Variants in SIK2 observed in about 807,000 individuals in gnomAD.
SIK2 encodes the protein salt inducible kinase 2.
SIK2 carries 29 observed loss-of-function variants against 103.2 expected under a neutral mutation model. The ratio of observed to expected loss-of-function variants is 0.28; its 90% CI spans 0.21 to 0.38. The LOEUF (loss-of-function observed/expected upper bound fraction) is 0.38. Among genes scored for constraint, SIK2 ranks in the 10% least tolerant of loss-of-function variants. The probability of loss-of-function intolerance (pLI) is 1.00; values close to 1 mark genes in which losing one functional copy is unlikely to be tolerated. For missense variants in SIK2, 879 were observed against 1,171.0 expected (o/e 0.75, Z 3.64); for synonymous variants, 412 against 446.1 (o/e 0.92, Z 0.96).
chr11:111,691,944 T>A (rs1942950835), intron 4 of SIK2, among the ~76,000 whole-genome samples: 1 of 152,110 alleles, frequency 6.6e-6, no homozygotes, highest in Non-Finnish European at 1.5e-5. Flanking sequence ...TTCAGGGACA[T>A]GAGGCTAGGA....
At position 111,730,752 on chromosome 11, in the gene SIK2, T is replaced by C. The variant is rs1173229737; in HGVS notation, c.*6623T>C. ...AATGCAGTGTAATAAATAATCTCTG[T>C]ACCAAATAGTAATTTAAATGGGGTA... On this transcript the variant is annotated 3_prime_UTR_variant, in exon 15 of 15. Coordinates refer to ENST00000304987, the MANE Select transcript of SIK2 (RefSeq NM_015191.3). 6.6e-6 allele frequency: 1 copy of C among 152,236 alleles called. No individual in the cohort carries two copies. Among genetic ancestry groups the C allele is most frequent in the Non-Finnish European group, 1.5e-5 (1 of 68,046 alleles). The allele number at this position is 152,236 out of a possible 1,614,324, so 9.4% of individuals were successfully genotyped here. A position where few individuals can be genotyped will look rare whatever the true frequency, so the allele number is the denominator to read the frequency against.
At chr11:111,634,037 G>A (rs576967306) in intron 3 of SIK2, among the ~76,000 whole-genome samples, 8 of 152,146 alleles carry the variant, frequency 5.3e-5, no homozygotes, top group Admixed American at 1.3e-4. Flanking sequence ...TGATCACCTC[G>A]TCAGACAATT....
intron 3 of SIK2, among the ~76,000 whole-genome samples, chr11:111,679,960 T>C (rs756841449): frequency 9.2e-5 from 14 of 151,914 alleles, no homozygotes; most frequent in Non-Finnish European, 1.9e-4. Flanking sequence ...CCATCTCTAC[T>C]AAAAATAAAA....
chr11:111,701,381 G>T lies in SIK2; in HGVS notation c.604-71G>T, dbSNP rs537670212. The T allele has an allele frequency of 8.6e-5, 133 of 1,552,310 alleles. 2 individuals carry two copies. In the South Asian group the frequency reaches 1.6e-3, roughly 18 times the overall value. ...AGTCCATATGATTTCAAGAGCCCTGGGGATGTTCAGGAAAACAAAGAGTGT... is the reference window on the plus strand; with the variant it reads ...AGTCCATATGATTTCAAGAGCCCTGTGGATGTTCAGGAAAACAAAGAGTGT... On this transcript the variant is annotated intron_variant, in intron 5 of 14. Transcript: ENST00000304987. The surrounding 1 kb of genome is among the most constrained non-coding windows in gnomAD (Gnocchi z 4.2).
At chr11:111,697,923 T>C (rs1943116593) in intron 4 of SIK2, among the ~76,000 whole-genome samples, 1 of 152,130 alleles carries the variant, frequency 6.6e-6, no homozygotes, top group Non-Finnish European at 1.5e-5. Context: ...GGCAAAAAGA[T>C]CACTTGAGCC....
chr11:111,691,713 T>C (rs894014668), intron 4 of SIK2, among the ~76,000 whole-genome samples: 1 of 152,208 alleles, frequency 6.6e-6, no homozygotes, highest in Non-Finnish European at 1.5e-5. Flanking sequence ...ACTCAAATTT[T>C]CTTGCCCACA....
intron 4 of SIK2, among the ~76,000 whole-genome samples, chr11:111,698,266 C>A (rs1278068244): frequency 6.6e-6 from 1 of 152,190 alleles, no homozygotes; most frequent in South Asian, 2.1e-4. Flanking sequence ...TACCACGGGT[C>A]CAGAGAAGTG....
At chr11:111,723,311 G>A (rs892476486) in intron 14 of SIK2, among the ~76,000 whole-genome samples, 185 bp from the exon 15 acceptor site, 2 of 152,186 alleles carry the variant, frequency 1.3e-5, no homozygotes. Context: ...CATCAGAACT[G>A]GGGGGCAAAA....
chr11:111,603,080 G>A (rs1449450713), intron 1 of SIK2, among the ~76,000 whole-genome samples: 1 of 151,734 alleles, frequency 6.6e-6, no homozygotes, highest in Admixed American at 6.5e-5. Flanking sequence ...GGTGGGGTGG[G>A]AGGGGAAGTC....
rs1236317571 is a variant in SIK2 at position 111,720,087 on chromosome 11, CAACACCTA to C, written c.1495+87_1495+94del. 13 of 1,341,004 alleles carry C rather than the reference CAACACCTA, an allele frequency of 9.7e-6. 1 individual carries two copies. The highest frequency in any genetic ancestry group is 1.4e-5 in the Non-Finnish European group (13 of 960,970). 83.1% of individuals were successfully genotyped at this position (1,341,004 alleles called of 1,614,324 possible). A position where few individuals can be genotyped will look rare whatever the true frequency, so the allele number is the denominator to read the frequency against. ...GCCAACAAGTGGTCACGATGCCAGC[CAACACCTA>C]AAATTGAGTCGATAGCTTATTCCTT... On this transcript the variant is annotated intron_variant, in intron 10 of 14. Coordinates refer to ENST00000304987, the MANE Select transcript of SIK2 (RefSeq NM_015191.3).
intron 3 of SIK2, among the ~76,000 whole-genome samples, chr11:111,655,746 A>G (rs565720153): frequency 1.9e-4 from 29 of 152,300 alleles, no homozygotes; most frequent in African/African-American, 6.7e-4. Context: ...CTATTTTACA[A>G]TTCTATAAAC....
At position 111,720,997 on chromosome 11, in the gene SIK2, G is replaced by A. The variant is rs770510311; in HGVS notation, c.1879G>A (p.Glu627Lys). The A allele has an allele frequency of 1.2e-6, 2 of 1,614,054 alleles. No homozygotes were observed. Among genetic ancestry groups the A allele is most frequent in the African/African-American group, 1.3e-5 (1 of 74,908 alleles). Residue 627 changes from glutamate to lysine, a missense_variant, in exon 12 of 15, where the codon GAG (glutamate) becomes AAG (lysine). This residue lies in a region of SIK2 where 375 missense variants were observed against 416.3 expected (regional missense o/e 0.90). Transcript: ENST00000304987. Reference protein sequence around the residue: ...VQLLYEQIGPEADPNLAPAAP... With the variant: ...VQLLYEQIGPKADPNLAPAAP... ...GTTGTTGTATGAACAAATAGGACCGGAGGCAGACCCTAACCTGGCGCCGGC... is the reference window on the plus strand; with the variant it reads ...GTTGTTGTATGAACAAATAGGACCGAAGGCAGACCCTAACCTGGCGCCGGC...
At chr11:111,695,049 G>C (rs952582646) in intron 4 of SIK2, among the ~76,000 whole-genome samples, 25 of 152,256 alleles carry the variant, frequency 1.6e-4, no homozygotes, top group East Asian at 1.4e-3. Flanking sequence ...ATGCATTGAC[G>C]TCAGTGTTGG....
At chr11:111,637,162 CTTG>C (rs1453584684) in intron 3 of SIK2, among the ~76,000 whole-genome samples, 2 of 150,654 alleles carry the variant, frequency 1.3e-5, no homozygotes, top group African/African-American at 4.9e-5. Flanking sequence ...ATGTCTTTGT[CTTG>C]TTGTTCTGCT....
intron 3 of SIK2, among the ~76,000 whole-genome samples, chr11:111,649,326 T>C (rs918214267): frequency 2.0e-5 from 3 of 152,168 alleles, no homozygotes; most frequent in Non-Finnish European, 4.4e-5. Flanking sequence ...ATTGTTACTG[T>C]AAATACATGA....
At chr11:111,683,209 T>A in intron 3 of SIK2, 1 of 154,754 alleles carries the variant, frequency 6.5e-6, no homozygotes. Flanking sequence ...CCTTCCTCCC[T>A]CACCCCTCCA....
intron 3 of SIK2, chr11:111,683,293 G>C (rs1565352489): frequency 6.6e-6 from 1 of 152,156 alleles, no homozygotes; most frequent in Non-Finnish European, 1.5e-5. Context: ...CCAGTCTTTG[G>C]TCGAGGGTAT....
intron 1 of SIK2, among the ~76,000 whole-genome samples, chr11:111,609,783 C>T (rs933819815): frequency 1.3e-5 from 2 of 152,130 alleles, no homozygotes; most frequent in African/African-American, 2.4e-5. Flanking sequence ...CATTATAGAC[C>T]ACTCAATCAC....
chr11:111,631,702 A>G (rs1291485074), intron 3 of SIK2, among the ~76,000 whole-genome samples: 1 of 152,176 alleles, frequency 6.6e-6, no homozygotes, highest in Non-Finnish European at 1.5e-5. Context: ...GCAGCTTGCC[A>G]CTTTCAATTT....
Sources: allele counts gnomAD v4.1 joint callset (sites outside exome capture counted in the v4.1 genomes callset), GRCh38; gene constraint gnomAD v4.1.1; regional missense constraint gnomAD v4.1.1; non-coding constraint Gnocchi (gnomAD v3.1); transcripts MANE v1.5; gene names NCBI Gene and HGNC (gene_info 2026-07-23, HGNC 2026-07-21).